Variants in ASPG observed in about 807,000 individuals in gnomAD.
The protein encoded by ASPG is asparaginase, also known as 60 kDa lysophospholipase.
Under a neutral mutation model 63.2 loss-of-function variants are expected in ASPG, and 53 were observed. The ratio of observed to expected loss-of-function variants is 0.84; its 90% CI spans 0.67 to 1.05. ASPG has a LOEUF of 1.05. Ranked by LOEUF, ASPG falls within the 50% of genes least tolerant of loss-of-function variation. ASPG has a pLI of 0.00. For missense variants in ASPG, 741 were observed against 794.4 expected, an observed-to-expected ratio of 0.93 and a Z score of 0.81; for synonymous variants, 370 against 355.0, an observed-to-expected ratio of 1.04 and a Z score of -0.48.
At chr14:104,106,917 G>C in intron 11 of ASPG, 23 bp downstream of exon 11, 1 of 1,552,868 alleles carries the variant, frequency 6.4e-7, no homozygotes. Context: ...CACCCTGGGG[G>C]CCCAGCCCCA....
At chr14:104,089,769 C>A (rs1026539651) in intron 1 of ASPG, among the ~76,000 whole-genome samples, 1 of 151,704 alleles carries the variant, frequency 6.6e-6, no homozygotes, top group Non-Finnish European at 1.5e-5. Context: ...GCTAACATGG[C>A]GAAACCCCGT....
In ASPG at chr14:104,085,818, C is replaced by A. The variant is rs190574851; in HGVS notation, c.48C>A (p.Thr16=). 4.4e-6 allele frequency: 7 copies of A among 1,591,424 alleles called. No homozygotes were observed. The highest frequency in any genetic ancestry group is 6.0e-6 in the Non-Finnish European group (7 of 1,174,622). Residue 16 remains threonine (T), a synonymous_variant, in exon 1 of 16, where the codon ACC becomes ACA. Coordinates refer to ENST00000551177, the MANE Select transcript of ASPG (RefSeq NM_001080464.3). ...GPERRLLAVY[T]GGTIGMRSEL... ...AGCGGAGGCTGCTGGCCGTCTACAC[C>A]GGCGGCACCATTGGCATGCGGAGTG...
rs1015994272 is a variant in ASPG, at chr14:104,114,374, A to T, written c.*1830A>T. 6.6e-6 allele frequency: 1 copy of T among 152,306 alleles called. No individual in the cohort carries two copies. The allele number at this position is 152,306 out of a possible 1,614,324, so 9.4% of individuals were successfully genotyped here. On this transcript the variant is annotated 3_prime_UTR_variant, in exon 16 of 16. Coordinates refer to ENST00000551177, the MANE Select transcript of ASPG (RefSeq NM_001080464.3). ...GGCTTGGGGGCCACGGGCTGGGCAG[A>T]TGGGGAGAGCTCCTCACAAGGCTGG...
intron 10 of ASPG, 137 bp from the exon 11 acceptor site, chr14:104,106,662 G>A (rs1462631033): frequency 2.6e-6 from 2 of 771,996 alleles, no homozygotes; most frequent in East Asian, 5.5e-5. Flanking sequence ...GGCAGCTCAG[G>A]TTCCTTCTCA....
chr14:104,110,276 T>C lies in ASPG; in HGVS notation c.1520+961T>C, dbSNP rs925510027. 52 of 890,596 alleles carry C rather than the reference T, an allele frequency of 5.8e-5. 1 individual carries two copies. Among genetic ancestry groups the C allele is most frequent in the Admixed American group, 2.6e-4 (4 of 15,274 alleles). The allele number at this position is 890,596 out of a possible 1,614,324, so 55.2% of individuals were successfully genotyped here. ...GCTCGGCTCACTGGCTGGGAGGGGGTGGGTGCAGGCGCCTGCCCAGCAGGA... is the reference window on the plus strand; with the variant it reads ...GCTCGGCTCACTGGCTGGGAGGGGGCGGGTGCAGGCGCCTGCCCAGCAGGA... On this transcript the variant is annotated intron_variant, in intron 13 of 15. Transcript: ENST00000551177. The surrounding 1 kb of genome is among the most constrained non-coding windows in gnomAD (Gnocchi z 4.7).
intron 5 of ASPG, 40 bp downstream of exon 5, chr14:104,097,677 G>A (rs771975263): frequency 1.7e-5 from 26 of 1,540,306 alleles, no homozygotes; most frequent in Non-Finnish European, 2.2e-5. Flanking sequence ...CAGGTGGGGT[G>A]GGGGCAGGAG....
In ASPG at chr14:104,095,569, C is replaced by G; in HGVS notation, c.342C>G (p.His114Gln). 6.2e-7 allele frequency: 1 copy of G among 1,613,222 alleles called. No homozygotes were observed. The highest frequency in any genetic ancestry group is 8.5e-7 in the Non-Finnish European group (1 of 1,179,832). Residue 114 changes from histidine (H) to glutamine (Q), a missense_variant, in exon 4 of 16, where the codon CAC (histidine) becomes CAG (glutamine). Coordinates refer to ENST00000551177, the MANE Select transcript of ASPG (RefSeq NM_001080464.3). ...YEQYHGFVVI[H>Q]GTDTMAFAAS... ...AGTACCACGGCTTTGTGGTCATCCACGGCACCGACACCATGGCCTTTGCTG... is the reference window on the plus strand; with the variant it reads ...AGTACCACGGCTTTGTGGTCATCCAGGGCACCGACACCATGGCCTTTGCTG...
chr14:104,100,755 G>A (rs1327293434), intron 6 of ASPG, among the ~76,000 whole-genome samples: 4 of 152,244 alleles, frequency 2.6e-5, no homozygotes, highest in African/African-American at 7.2e-5. Flanking sequence ...CTTCTTGGAG[G>A]AGGTGGCTTG....
intron 2 of ASPG, chr14:104,093,215 G>C (rs941951): frequency 0.25 from 139,193 of 555,584 alleles, 22,943 homozygotes; most frequent in African/African-American, 0.59. Context: ...CCTGCCTGGG[G>C]ATGGCTGGTC....
At chr14:104,108,876 G>A in intron 12 of ASPG, 6 of 985,406 alleles carry the variant, frequency 6.1e-6, no homozygotes, top group Middle Eastern at 1.0e-3. Flanking sequence ...CTGTCCCCTT[G>A]GAATGGGTTG....
chr14:104,105,769 G>A (rs1172492601), intron 10 of ASPG, among the ~76,000 whole-genome samples: 2 of 152,168 alleles, frequency 1.3e-5, no homozygotes, highest in Non-Finnish European at 2.9e-5. Flanking sequence ...TGGGGGCGGT[G>A]CTTGCTCTGG....
chr14:104,096,597 G>C (rs2036605828), intron 4 of ASPG, among the ~76,000 whole-genome samples: 1 of 152,206 alleles, frequency 6.6e-6, no homozygotes, highest in East Asian at 1.9e-4. Flanking sequence ...CCCGAGCCCT[G>C]GGGGAGCAGA....
chr14:104,103,783 G>A (rs1022387172), intron 7 of ASPG, 108 bp downstream of exon 7: 10 of 865,972 alleles, frequency 1.2e-5, no homozygotes, highest in Admixed American at 1.0e-4. Flanking sequence ...TGCAGACCCC[G>A]CGTGGACCTG....
intron 1 of ASPG, 68 bp from the exon 2 acceptor site, chr14:104,092,565 C>T: frequency 1.5e-6 from 2 of 1,316,916 alleles, no homozygotes; most frequent in Non-Finnish European, 2.1e-6. Context: ...TCCTGCCCCT[C>T]AGTGAGGGAG....
At chr14:104,099,049 G>T (rs2036755467) in intron 6 of ASPG, 70 bp downstream of exon 6, 2 of 1,517,710 alleles carry the variant, frequency 1.3e-6, no homozygotes, top group Admixed American at 2.0e-5. Flanking sequence ...GCTGCAGGGA[G>T]CTCGTGGCTG....
chr14:104,112,776 G>A lies in ASPG; in HGVS notation c.*232G>A. The A allele has an allele frequency of 1.1e-6, 1 of 934,624 alleles. No individual in the cohort carries two copies. Among genetic ancestry groups the A allele is most frequent in the Non-Finnish European group, 1.6e-6 (1 of 641,280 alleles). 57.9% of individuals were successfully genotyped at this position (934,624 alleles called of 1,614,324 possible). ...CCGGGACTGTGGATGTGTGTGGGGA[G>A]TCAGGCCCAGGCTCTGTGGGGTCTC... On this transcript the variant is annotated 3_prime_UTR_variant, in exon 16 of 16. Coordinates refer to ENST00000551177, the MANE Select transcript of ASPG (RefSeq NM_001080464.3).
chr14:104,101,829 C>T (rs576165781), intron 6 of ASPG, among the ~76,000 whole-genome samples: 7 of 152,336 alleles, frequency 4.6e-5, no homozygotes, highest in African/African-American at 1.4e-4. Flanking sequence ...CTACACCCTT[C>T]GGCTCCTGTG....
At chr14:104,111,207 GCTC>G (rs2037370145) in intron 13 of ASPG, 9 of 980,344 alleles carry the variant, frequency 9.2e-6, no homozygotes, top group Non-Finnish European at 1.1e-5. Context: ...GTGCTTGTGT[GCTC>G]CTGTGTGTGT....
intron 1 of ASPG, among the ~76,000 whole-genome samples, 165 bp from the exon 2 acceptor site, chr14:104,092,468 C>T (rs917828026): frequency 2.0e-5 from 3 of 152,152 alleles, no homozygotes; most frequent in African/African-American, 7.2e-5. Flanking sequence ...CAGCCGCCTG[C>T]CCTCTGAGGG....
Sources: allele counts gnomAD v4.1 joint callset (sites outside exome capture counted in the v4.1 genomes callset), GRCh38; gene constraint gnomAD v4.1.1; non-coding constraint Gnocchi (gnomAD v3.1); transcripts MANE v1.5; gene names NCBI Gene and HGNC (gene_info 2026-07-23, HGNC 2026-07-21).